ALDH8A1: variants seen among roughly 807,000 people sequenced by gnomAD.
ALDH8A1 encodes 2-aminomuconic semialdehyde dehydrogenase.
A neutral mutation model predicts 43.3 loss-of-function variants in ALDH8A1; 39 were observed. The ratio of observed to expected loss-of-function variants is 0.90; its 90% confidence interval spans 0.70 to 1.18. ALDH8A1 has a LOEUF of 1.18. ALDH8A1 is among the 50% of genes most tolerant of loss of function. The pLI is 0.00. For synonymous variants in ALDH8A1, 233 were observed against 243.5 expected (o/e 0.96, Z 0.40); for missense variants, 605 against 622.6 (o/e 0.97, Z 0.30).
In ALDH8A1 at chr6:134,929,234, G is replaced by A. The variant is rs959071003; in HGVS notation, c.850-19C>T. On this transcript the variant is annotated intron_variant, in intron 5 of 6. Coordinates refer to ENST00000265605, the MANE Select transcript of ALDH8A1 (RefSeq NM_022568.4). ...TTTCACCCTGCCAAGAATGAGAACAGGGATAAGGCTGCGGACACTCTCCTT... is the reference window on the plus strand; with the variant it reads ...TTTCACCCTGCCAAGAATGAGAACAAGGATAAGGCTGCGGACACTCTCCTT... 13 of 1,611,800 alleles carry A rather than the reference G, an allele frequency of 8.1e-6. No individual in the cohort carries two copies. The highest frequency in any genetic ancestry group is 6.7e-5 in the African/African-American group (5 of 74,818).
rs961040191 is a variant in ALDH8A1, at chr6:134,930,291, C to T, written c.850-1076G>A. ...GGAAACGAGAGCTCTGATTTGGACA[C>T]GCTGGGTTTCAGATGCCTCACAGAC... On this transcript the variant is annotated intron_variant, in intron 5 of 6. Coordinates refer to ENST00000265605, the MANE Select transcript of ALDH8A1 (RefSeq NM_022568.4). Among the ~76,000 whole-genome samples, 6 of 152,196 alleles carry T rather than the reference C, an allele frequency of 3.9e-5. No homozygotes were observed. In the East Asian group the frequency reaches 1.2e-3, roughly 29 times the overall value.
In ALDH8A1 at chr6:134,927,516, T is replaced by TGCAC. The variant is rs1178471790; in HGVS notation, c.1011+1534_1011+1537dup. Among the ~76,000 whole-genome samples the TGCAC allele has an allele frequency of 2.0e-5, 3 of 151,962 alleles. No individual in the cohort carries two copies. In the East Asian group the frequency reaches 5.8e-4, roughly 29 times the overall value. ...TCTCTCTTACACACACACGCGTGCA[T>TGCAC]GCACACACACACACACAGAGAGAGA... On this transcript the variant is annotated intron_variant, in intron 6 of 6. Transcript: ENST00000265605.
rs372194637 is a variant in ALDH8A1, at chr6:134,946,295, G to C, written c.139-2329C>G. On this transcript the variant is annotated intron_variant, in intron 1 of 6. Coordinates refer to ENST00000265605, the MANE Select transcript of ALDH8A1 (RefSeq NM_022568.4). ...GGATAGGGGAAGAGATGGCTTTGGT[G>C]ACCTCCACCACCAGCTGCAGCCATG... is the stretch of plus-strand genomic sequence containing the variant. 2.6e-5 allele frequency among the ~76,000 whole-genome samples: 4 copies of C among 152,136 alleles called. No homozygotes were observed. The East Asian group carries it at 5.8e-4, about 22-fold the overall frequency.
rs138635600 is a variant in ALDH8A1, at chr6:134,939,299, C to T, written c.559G>A (p.Ala187Thr). Residue 187 changes from alanine (A) to threonine (T), a missense_variant, in exon 4 of 7, where the codon GCG (alanine) becomes ACG (threonine). Physicochemically the swap from Ala to Thr is moderately conservative, Grantham distance 58. Transcript: ENST00000265605. ...AKPSELTSVTAWMLCKLLDKA... is the reference protein window; with the variant it reads ...AKPSELTSVTTWMLCKLLDKA... ...TCCAGGAGTTTGCACAACATCCACG[C>T]AGTCACTGAAGTCAGCTCACTGGGC... is the stretch of plus-strand genomic sequence containing the variant. The T allele has an allele frequency of 6.1e-5, 99 of 1,614,124 alleles. No individual in the cohort carries two copies. Among genetic ancestry groups the T allele is most frequent in the Admixed American group, 8.3e-5 (5 of 60,006 alleles).
Position 134,932,899 on chromosome 6 carries a change from C to G in ALDH8A1, c.726G>C (p.Leu242=). The G allele has an allele frequency of 1.2e-6, 2 of 1,614,204 alleles. No individual in the cohort carries two copies. The highest frequency in any genetic ancestry group is 1.7e-6 in the Non-Finnish European group (2 of 1,180,036). ...SQPTAERITQ[L]SAPHCKKLSL... is the part of the protein sequence containing the mutation. The stretch of plus-strand genomic sequence containing the variant: ...AGAGCTTTTTGCAGTGGGGAGCGCT[C>G]AGCTGGGTGATCCGCTCAGCGGTGG... The change falls in exon 5 of 7, where the codon CTG becomes CTC. Residue 242 remains leucine, a synonymous_variant. Coordinates refer to ENST00000265605, the MANE Select transcript of ALDH8A1 (RefSeq NM_022568.4).
chr6:134,934,073 A>G (rs774867735), intron 4 of ALDH8A1, among the ~76,000 whole-genome samples: 2 of 152,168 alleles, frequency 1.3e-5, no homozygotes, highest in African/African-American at 2.4e-5. Flanking sequence ...TACACTAGCT[A>G]AGGGCAGAAA....
intron 6 of ALDH8A1, among the ~76,000 whole-genome samples, chr6:134,920,313 T>C (rs1158099941): frequency 6.6e-6 from 1 of 152,232 alleles, no homozygotes; most frequent in Non-Finnish European, 1.5e-5. Flanking sequence ...AACGCTATTC[T>C]AGTTTGTGGG....
At chr6:134,943,300 G>T (rs144032486) in intron 2 of ALDH8A1, among the ~76,000 whole-genome samples, 1,853 of 152,166 alleles carry the variant, frequency 0.012, 20 homozygotes, top group Non-Finnish European at 0.018. Context: ...AGATATTCTT[G>T]CAAAAATTTA....
At position 134,919,933 on chromosome 6, in the gene ALDH8A1, A is replaced by G. The variant is rs146565845; in HGVS notation, c.1012-1066T>C. 3.5e-4 allele frequency among the ~76,000 whole-genome samples: 53 copies of G among 152,272 alleles called. 1 individual carries two copies. The East Asian group carries it at 0.01, about 29-fold the overall frequency. ...AAGTTAAAGACTTTTTTTACAGACA[A>G]TGTCTCACTCTGTCACCTGGGCTGC... On this transcript the variant is annotated intron_variant, in intron 6 of 6. Coordinates refer to ENST00000265605, the MANE Select transcript of ALDH8A1 (RefSeq NM_022568.4).
At chr6:134,936,237 C>T (rs1406515251) in intron 4 of ALDH8A1, among the ~76,000 whole-genome samples, 1 of 152,212 alleles carries the variant, frequency 6.6e-6, no homozygotes, top group Non-Finnish European at 1.5e-5. Context: ...AGGCATAAGC[C>T]ACCATGCCTG....
chr6:134,928,060 T>G (rs963986644), intron 6 of ALDH8A1, among the ~76,000 whole-genome samples: 2 of 152,188 alleles, frequency 1.3e-5, no homozygotes, highest in African/African-American at 4.8e-5. Context: ...ATCCTCACTT[T>G]AAATAAATGA....
At chr6:134,945,271 A>G (rs1168207843) in intron 1 of ALDH8A1, among the ~76,000 whole-genome samples, 1 of 152,208 alleles carries the variant, frequency 6.6e-6, no homozygotes, top group Non-Finnish European at 1.5e-5. Flanking sequence ...CACACAGCTA[A>G]TAAGTGGCAG....
At chr6:134,926,432 C>T (rs1009406576) in intron 6 of ALDH8A1, among the ~76,000 whole-genome samples, 1 of 151,920 alleles carries the variant, frequency 6.6e-6, no homozygotes, top group Non-Finnish European at 1.5e-5. Context: ...AACTCCTGAC[C>T]TCAAATGATC....
At chr6:134,921,091 T>C (rs1583021284) in intron 6 of ALDH8A1, among the ~76,000 whole-genome samples, 1 of 152,208 alleles carries the variant, frequency 6.6e-6, no homozygotes, top group Non-Finnish European at 1.5e-5. Context: ...TGTCAGCCTC[T>C]GTTGTTATTG....
chr6:134,949,112 A>G (rs1023146296), intron 1 of ALDH8A1, among the ~76,000 whole-genome samples: 5 of 152,230 alleles, frequency 3.3e-5, no homozygotes, highest in African/African-American at 1.2e-4. Context: ...TAGGAAGACT[A>G]TATTTTAAAT....
At chr6:134,937,762 C>T (rs1398251799) in intron 4 of ALDH8A1, among the ~76,000 whole-genome samples, 2 of 152,216 alleles carry the variant, frequency 1.3e-5, no homozygotes, top group Non-Finnish European at 2.9e-5. Flanking sequence ...GCAGACACCA[C>T]AGACCTCATT....
intron 1 of ALDH8A1, among the ~76,000 whole-genome samples, chr6:134,944,835 G>T (rs1001971042): frequency 1.3e-5 from 2 of 151,708 alleles, no homozygotes; most frequent in African/African-American, 4.8e-5. Flanking sequence ...GCTGTAGTGA[G>T]CTGTAATTGT....
In ALDH8A1 at chr6:134,918,583, G is replaced by A. The variant is rs772451824; in HGVS notation, c.1296C>T (p.His432=). The A allele has an allele frequency of 2.5e-6, 4 of 1,614,170 alleles. No homozygotes were observed. The highest frequency in any genetic ancestry group is 1.7e-5 in the Admixed American group (1 of 60,020). Residue 432 remains histidine, a synonymous_variant, in exon 7 of 7, where the codon CAC becomes CAT. Coordinates refer to ENST00000265605, the MANE Select transcript of ALDH8A1 (RefSeq NM_022568.4). Reference sequence around the variant, plus strand: ...CAGACTGCAGCTTCTTAGCCACCCGGTGGACGCGCCCCACATTGCTGGACC... The same window carrying A: ...CAGACTGCAGCTTCTTAGCCACCCGATGGACGCGCCCCACATTGCTGGACC... ...TVWSSNVGRV[H]RVAKKLQSGL... is the part of the protein sequence containing the mutation.
Position 134,933,928 on chromosome 6 carries a change from C to T in ALDH8A1, c.593-896G>A, listed in dbSNP as rs140196083. On this transcript the variant is annotated intron_variant, in intron 4 of 6. Coordinates refer to ENST00000265605, the MANE Select transcript of ALDH8A1 (RefSeq NM_022568.4). ...TTCATCATGTTGGCCAGGCTGGTCT[C>T]GAACTCCTGACCTCAAGTGATCTGC... 8.3e-3 allele frequency among the ~76,000 whole-genome samples: 1,267 copies of T among 152,148 alleles called. 18 individuals carry two copies. The highest frequency in any genetic ancestry group is 0.029 in the African/African-American group (1,190 of 41,518).
Sources: gnomAD v4.1 joint callset for allele counts (sites outside exome capture counted in the v4.1 genomes callset) on GRCh38, gnomAD v4.1.1 for gene constraint, MANE v1.5 for transcripts, NCBI Gene and HGNC (gene_info 2026-07-23, HGNC 2026-07-21) for gene names.